The following SPAG16 variants were observed in gnomAD, a reference collection of about 807,000 sequenced individuals.
SPAG16 encodes the protein sperm-associated antigen 16 protein.
In SPAG16, 86 loss-of-function variants were observed where a neutral mutation model predicts 80.4. The observed-to-expected ratio is 1.07, with a 90% confidence interval of 0.90 to 1.28. The LOEUF is 1.28. Ranked by LOEUF, SPAG16 falls within the 50% of genes most tolerant of loss-of-function variation. SPAG16 has a pLI of 0.00. For missense variants in SPAG16, 870 were observed against 765.3 expected (o/e 1.14, Z -1.61); for synonymous variants, 294 against 265.9 (o/e 1.11, Z -1.03).
At chr2:214,099,738 A>G (rs569847607) in intron 13 of SPAG16, among the ~76,000 whole-genome samples, 19 of 152,248 alleles carry the variant, frequency 1.2e-4, no homozygotes, top group Non-Finnish European at 2.8e-4. Context: ...TTGACTTTAC[A>G]ACCATATTTT....
At chr2:213,732,126 T>A (rs1223508857) in intron 10 of SPAG16, among the ~76,000 whole-genome samples, 1 of 152,244 alleles carries the variant, frequency 6.6e-6, no homozygotes, top group Non-Finnish European at 1.5e-5. Context: ...ATCAATTTTC[T>A]GCATATGGCT....
chr2:214,182,003 CAGTGATTTAAA>C (rs1387627221), intron 15 of SPAG16, among the ~76,000 whole-genome samples: 1 of 151,784 alleles, frequency 6.6e-6, no homozygotes, highest in Admixed American at 6.6e-5. Context: ...GAAAATGCAA[CAGTGATTTAAA>C]GCCCTATGTT....
intron 9 of SPAG16, among the ~76,000 whole-genome samples, chr2:213,390,374 T>C (rs2125289952): frequency 6.6e-6 from 1 of 152,350 alleles, no homozygotes; most frequent in South Asian, 2.1e-4. Context: ...AAATTGGTTT[T>C]ATGTTATGCC....
At chr2:213,949,179 T>TTTTTTTTTTGTTTTG (rs1553677667) in intron 12 of SPAG16, among the ~76,000 whole-genome samples, 1 of 36,244 alleles carries the variant, frequency 2.8e-5, no homozygotes, top group Non-Finnish European at 5.5e-5. Flanking sequence ...GTTTTTTTTT[T>TTTTTTTTTTGTTTTG]TTTTTTTTTT....
intron 12 of SPAG16, among the ~76,000 whole-genome samples, chr2:213,996,752 T>C (rs2046537561): frequency 2.0e-5 from 3 of 151,968 alleles, no homozygotes; most frequent in African/African-American, 7.2e-5. Flanking sequence ...GTGTCTTTAG[T>C]AGAGACGGGG....
intron 10 of SPAG16, among the ~76,000 whole-genome samples, chr2:213,598,012 TCATCTA>T (rs1404174738): frequency 6.6e-6 from 1 of 152,180 alleles, no homozygotes; most frequent in Admixed American, 6.5e-5. Context: ...CTTTGAGGTT[TCATCTA>T]CATAAAAAGA....
intron 9 of SPAG16, among the ~76,000 whole-genome samples, chr2:213,406,798 G>A (rs979062436): frequency 4.6e-5 from 7 of 151,890 alleles, no homozygotes; most frequent in Admixed American, 2.0e-4. Context: ...GGTCTCTCCC[G>A]GGATTACATT....
At chr2:213,701,168 A>T (rs2065398173) in intron 10 of SPAG16, among the ~76,000 whole-genome samples, 1 of 152,214 alleles carries the variant, frequency 6.6e-6, no homozygotes. Context: ...TGAACCCAAG[A>T]GGCAGAGGCT....
chr2:213,880,825 A>G (rs1223694606), intron 11 of SPAG16, among the ~76,000 whole-genome samples: 1 of 152,106 alleles, frequency 6.6e-6, no homozygotes, highest in Non-Finnish European at 1.5e-5. Context: ...ATTTTGATGC[A>G]TTAGTCTATG....
At chr2:214,095,675 G>T (rs189305780) in intron 13 of SPAG16, among the ~76,000 whole-genome samples, 213 of 152,012 alleles carry the variant, frequency 1.4e-3, no homozygotes, top group Non-Finnish European at 2.5e-4. Context: ...ACTTGTATTG[G>T]CTTCATAATT....
At chr2:213,685,241 G>A (rs1050690651) in intron 10 of SPAG16, among the ~76,000 whole-genome samples, 3 of 152,256 alleles carry the variant, frequency 2.0e-5, no homozygotes, top group Non-Finnish European at 2.9e-5. Context: ...GGACTTTGCA[G>A]ATTTTACAAA....
intron 10 of SPAG16, among the ~76,000 whole-genome samples, chr2:213,554,777 G>C (rs2059375526): frequency 6.6e-6 from 1 of 151,532 alleles, no homozygotes; most frequent in African/African-American, 2.4e-5. Flanking sequence ...TTGAAGACAG[G>C]CTATTTTAAA....
intron 13 of SPAG16, among the ~76,000 whole-genome samples, chr2:214,106,569 G>A (rs1205383059): frequency 6.6e-6 from 1 of 152,108 alleles, no homozygotes; most frequent in Non-Finnish European, 1.5e-5. Context: ...ACGATAATGA[G>A]GACCAAGTAG....
At position 213,447,937 on chromosome 2, in the gene SPAG16, C is replaced by T. The variant is rs571321883; in HGVS notation, c.943-42026C>T. On this transcript the variant is annotated intron_variant, in intron 9 of 15. Transcript: ENST00000331683. ...TTAATGAAGTGTTAAAACAAATTCT[C>T]AAAAGATCTAAGAGATTTGTTGTTA... Among the ~76,000 whole-genome samples, 15 of 152,346 alleles carry T rather than the reference C, an allele frequency of 9.8e-5. No individual in the cohort carries two copies. In the South Asian group the frequency reaches 3.1e-3, roughly 32 times the overall value.
intron 12 of SPAG16, among the ~76,000 whole-genome samples, chr2:213,950,723 T>TC (rs1553678402): frequency 3.9e-5 from 5 of 128,912 alleles, no homozygotes; most frequent in Admixed American, 2.3e-4. Context: ...TTTTTTTTTT[T>TC]CCCTCAAGAC....
chr2:214,380,412 G>A (rs948933290), intron 15 of SPAG16, among the ~76,000 whole-genome samples: 2 of 152,176 alleles, frequency 1.3e-5, no homozygotes, highest in African/African-American at 2.4e-5. Flanking sequence ...ATTTTATGTA[G>A]TCCTGTGTGA....
At chr2:213,459,735 T>A (rs1033275279) in intron 9 of SPAG16, among the ~76,000 whole-genome samples, 2 of 152,252 alleles carry the variant, frequency 1.3e-5, no homozygotes, top group African/African-American at 4.8e-5. Context: ...ATGTCGCTAT[T>A]CTCTTGGATT....
intron 11 of SPAG16, among the ~76,000 whole-genome samples, chr2:213,881,704 A>G (rs2162503): frequency 0.59 from 90,430 of 152,092 alleles, 28,777 homozygotes; most frequent in South Asian, 0.85. Flanking sequence ...CCCAAGAACA[A>G]CATGGGAGAA....
intron 13 of SPAG16, among the ~76,000 whole-genome samples, chr2:214,088,259 C>A (rs528244907): frequency 6.9e-4 from 104 of 151,794 alleles, no homozygotes; most frequent in Non-Finnish European, 8.2e-4. Context: ...AAACAAAGAG[C>A]CATCACCGAG....
Sources: gnomAD v4.1 joint callset for allele counts (sites outside exome capture counted in the v4.1 genomes callset) on GRCh38, gnomAD v4.1.1 for gene constraint, MANE v1.5 for transcripts, NCBI Gene and HGNC (gene_info 2026-07-23, HGNC 2026-07-21) for gene names.